The following ESYT2 variants were observed in gnomAD, a reference collection of about 807,000 sequenced individuals.
ESYT2 encodes the protein extended synaptotagmin-2.
Under a neutral mutation model 107.2 loss-of-function variants are expected in ESYT2, and 54 were observed. The observed-to-expected ratio is 0.50, with a 90% CI of 0.40 to 0.63. The LOEUF (loss-of-function observed/expected upper bound fraction) is 0.63, where lower values mean the gene tolerates loss of function less well. ESYT2 is among the 30% of genes least tolerant of loss of function. The pLI, the probability that ESYT2 is intolerant of heterozygous loss-of-function variation, is 0.00. For synonymous variants in ESYT2, 491 were observed against 434.1 expected (o/e 1.13, Z -1.63); for missense variants, 1,020 against 1,094.5 (o/e 0.93, Z 0.96).
intron 1 of ESYT2, among the ~76,000 whole-genome samples, chr7:158,825,810 G>A (rs1270247262): frequency 6.6e-6 from 1 of 152,184 alleles, no homozygotes; most frequent in Non-Finnish European, 1.5e-5. Context: ...GGGATGTACA[G>A]ATACATCTTG....
rs1343277662 is a variant in ESYT2 at position 158,829,285 on chromosome 7, G to A, written c.134C>T (p.Ala45Val). 1 of 1,513,672 alleles carries A rather than the reference G, an allele frequency of 6.6e-7. No individual in the cohort carries two copies. Among genetic ancestry groups the A allele is most frequent in the Non-Finnish European group, 8.8e-7 (1 of 1,139,692 alleles). The allele number at this position is 1,513,672 out of a possible 1,614,324, so 93.8% of individuals were successfully genotyped here. The change falls in exon 1 of 23, where the codon GCG (alanine) becomes GTG (valine). Residue 45 changes from alanine to valine, a missense_variant. Coordinates refer to ENST00000275418, the MANE Select transcript of ESYT2 (RefSeq NM_001367773.1). ...GLLAQLARSFALLLPVYALGY... is the reference protein window; with the variant it reads ...GLLAQLARSFVLLLPVYALGY... ...CAGCGCGTACACGGGCAGCAGCAGCGCGAAGCTCCGCGCCAGCTGCGCCAG... is the reference window on the plus strand; with the variant it reads ...CAGCGCGTACACGGGCAGCAGCAGCACGAAGCTCCGCGCCAGCTGCGCCAG...
intron 1 of ESYT2, among the ~76,000 whole-genome samples, chr7:158,814,662 C>T (rs1430945710): frequency 6.6e-6 from 1 of 152,182 alleles, no homozygotes; most frequent in African/African-American, 2.4e-5. Flanking sequence ...GGCTTATTCA[C>T]TTGCATTGGT....
In ESYT2 at chr7:158,759,531, G is replaced by C; in HGVS notation, c.1374C>G (p.Ser458=). Residue 458 remains serine, a synonymous_variant, in exon 13 of 23, where the codon TCC becomes TCG. Coordinates refer to ENST00000275418, the MANE Select transcript of ESYT2 (RefSeq NM_001367773.1). ...ADKDQANDGL[S]SALLILYLDS... ...CCAAGTACAAGATCAGCAATGCAGA[G>C]GAAAGACCATCGTTGGCTTGGTCTT... 6.2e-7 allele frequency: 1 copy of C among 1,612,400 alleles called. No individual in the cohort carries two copies. Among genetic ancestry groups the C allele is most frequent in the Non-Finnish European group, 8.5e-7 (1 of 1,178,532 alleles).
At chr7:158,791,786 T>C (rs1426162895) in intron 4 of ESYT2, among the ~76,000 whole-genome samples, 1 of 152,242 alleles carries the variant, frequency 6.6e-6, no homozygotes, top group Non-Finnish European at 1.5e-5. Context: ...GTTCTGTTGT[T>C]GAATTTCAGG....
intron 21 of ESYT2, among the ~76,000 whole-genome samples, chr7:158,734,959 G>A (rs1275204198): frequency 2.6e-5 from 4 of 152,108 alleles, no homozygotes; most frequent in African/African-American, 9.6e-5. Flanking sequence ...AAGCTACATC[G>A]CTGAATACAT....
intron 7 of ESYT2, among the ~76,000 whole-genome samples, chr7:158,771,041 C>A (rs1256785353): frequency 6.6e-6 from 1 of 152,006 alleles, no homozygotes; most frequent in Non-Finnish European, 1.5e-5. Flanking sequence ...ATAAAAAGAG[C>A]CTACATAAAA....
intron 1 of ESYT2, among the ~76,000 whole-genome samples, chr7:158,820,440 T>A (rs1474439586): frequency 6.6e-6 from 1 of 152,234 alleles, no homozygotes; most frequent in Non-Finnish European, 1.5e-5. Context: ...CTACAATGTA[T>A]ACATATTTCA....
At position 158,734,505 on chromosome 7, in the gene ESYT2, T is replaced by A. The variant is rs771737386; in HGVS notation, c.2506-34A>T. ...TGTTAAAAAAGCAGTTAAAGTAGGC[T>A]GGGCTGGGGGCACTGGCTCCCGTCT... is the stretch of plus-strand genomic sequence containing the variant. On this transcript the variant is annotated intron_variant, in intron 21 of 22. Coordinates refer to ENST00000275418, the MANE Select transcript of ESYT2 (RefSeq NM_001367773.1). 8 of 1,597,536 alleles carry A rather than the reference T, an allele frequency of 5.0e-6. No individual in the cohort carries two copies. In the Admixed American group the frequency reaches 1.4e-4, roughly 27 times the overall value.
chr7:158,782,415 T>G (rs199797404), intron 6 of ESYT2, among the ~76,000 whole-genome samples: 3 of 146,450 alleles, frequency 2.0e-5, no homozygotes, highest in African/African-American at 5.1e-5. Flanking sequence ...AGTGAACGAG[T>G]GTGAGAACAA....
chr7:158,797,614 G>C (rs1563026938), intron 3 of ESYT2, among the ~76,000 whole-genome samples: 1 of 152,264 alleles, frequency 6.6e-6, no homozygotes, highest in East Asian at 1.9e-4. Flanking sequence ...CCAGCACTTT[G>C]GGAGGCTGAA....
intron 20 of ESYT2, among the ~76,000 whole-genome samples, chr7:158,736,114 G>A (rs966815598): frequency 7.9e-5 from 12 of 152,230 alleles, no homozygotes; most frequent in Admixed American, 5.2e-4. Context: ...AGTGCCTGCA[G>A]GGCGTCTCTC....
At chr7:158,779,478 C>T (rs962080922) in intron 6 of ESYT2, among the ~76,000 whole-genome samples, 1 of 152,136 alleles carries the variant, frequency 6.6e-6, no homozygotes, top group African/African-American at 2.4e-5. Flanking sequence ...AGAGTTAGTC[C>T]TAGAACTGAG....
At chr7:158,804,842 A>G (rs754507203) in intron 1 of ESYT2, among the ~76,000 whole-genome samples, 2 of 152,222 alleles carry the variant, frequency 1.3e-5, no homozygotes, top group Non-Finnish European at 2.9e-5. Context: ...GGTGAGGTGC[A>G]TGAAAAACCC....
At chr7:158,774,181 C>T (rs1441229957) in intron 6 of ESYT2, among the ~76,000 whole-genome samples, 1 of 152,186 alleles carries the variant, frequency 6.6e-6, no homozygotes, top group Non-Finnish European at 1.5e-5. Flanking sequence ...ATCTCAATCA[C>T]CCATATAGTT....
At chr7:158,803,095 C>T (rs188893597) in intron 1 of ESYT2, among the ~76,000 whole-genome samples, 64 of 151,228 alleles carry the variant, frequency 4.2e-4, no homozygotes, top group African/African-American at 1.5e-3. Flanking sequence ...GAATCTGAGT[C>T]CCTGGCACAG....
intron 13 of ESYT2, among the ~76,000 whole-genome samples, chr7:158,755,316 GA>G (rs1328528215): frequency 1.3e-5 from 2 of 152,184 alleles, no homozygotes. Flanking sequence ...ATGGGTGGGG[GA>G]AAAGTTCACA....
At chr7:158,760,274 G>C in intron 11 of ESYT2, 127 bp from the exon 12 acceptor site, 1 of 782,134 alleles carries the variant, frequency 1.3e-6, no homozygotes, top group South Asian at 1.6e-5. Context: ...TCAGTAACGC[G>C]AAGGCTGAGC....
At chr7:158,807,089 A>C (rs1047208808) in intron 1 of ESYT2, among the ~76,000 whole-genome samples, 7 of 151,942 alleles carry the variant, frequency 4.6e-5, no homozygotes, top group Admixed American at 4.6e-4. Context: ...GTCTCTACTA[A>C]AAATACAAAA....
At chr7:158,814,290 TATATATATA>T (rs1840080195) in intron 1 of ESYT2, among the ~76,000 whole-genome samples, 2 of 7,808 alleles carry the variant, frequency 2.6e-4, no homozygotes, top group East Asian at 5.4e-3. Flanking sequence ...AAAAAAATTA[TATATATATA>T]TATATATATA....
Sources: gnomAD v4.1 joint callset for allele counts (sites outside exome capture counted in the v4.1 genomes callset) on GRCh38, gnomAD v4.1.1 for gene constraint, MANE v1.5 for transcripts, NCBI Gene and HGNC (gene_info 2026-07-23, HGNC 2026-07-21) for gene names.